MRTFA: variants seen among roughly 807,000 people sequenced by gnomAD.
MRTFA encodes myocardin related transcription factor A.
In MRTFA, 20 loss-of-function variants were observed where a neutral mutation model predicts 83.5. The observed-to-expected ratio is 0.24, with a 90% CI of 0.17 to 0.35. MRTFA has a LOEUF of 0.35. MRTFA is among the 10% of genes least tolerant of loss of function. The pLI is 1.00. For missense variants in MRTFA, 1,200 were observed against 1,224.7 expected, an observed-to-expected ratio of 0.98 and a Z score of 0.30; for synonymous variants, 659 against 541.2, an observed-to-expected ratio of 1.22 and a Z score of -3.02.
chr22:40,584,723 T>G lies in MRTFA; in HGVS notation c.-22+9951A>C, dbSNP rs1251566127. On this transcript the variant is annotated intron_variant, in intron 2 of 14. Coordinates refer to ENST00000355630, the MANE Select transcript of MRTFA (RefSeq NM_020831.6). The stretch of plus-strand genomic sequence containing the variant: ...CCAACCTGGGCAACAAGAGTGAGAC[T>G]CTGTCTCAAAAAAAAAAAAAAAAAA... Among the ~76,000 whole-genome samples, 4 of 131,518 alleles carry G rather than the reference T, an allele frequency of 3.0e-5. No individual in the cohort carries two copies. In the East Asian group the frequency reaches 9.1e-4, roughly 30 times the overall value. The allele number at this position is 131,518 out of a possible 152,430, so 86.3% of individuals were successfully genotyped here. A position where few individuals can be genotyped will look rare whatever the true frequency, so the allele number is the denominator to read the frequency against.
intron 3 of MRTFA, among the ~76,000 whole-genome samples, chr22:40,530,911 AG>A (rs1244676602): frequency 2.0e-5 from 3 of 152,264 alleles, no homozygotes; most frequent in East Asian, 1.9e-4. Context: ...TATACTTATC[AG>A]GGAAAGTATG....
intron 2 of MRTFA, among the ~76,000 whole-genome samples, chr22:40,571,870 G>C (rs1463844280): frequency 3.6e-5 from 5 of 138,006 alleles, no homozygotes; most frequent in African/African-American, 1.4e-4. Flanking sequence ...CTTGCAGTGA[G>C]CCGAGATCAC....
intron 2 of MRTFA, among the ~76,000 whole-genome samples, chr22:40,585,925 T>C (rs1183664918): frequency 6.6e-6 from 1 of 152,194 alleles, no homozygotes; most frequent in Non-Finnish European, 1.5e-5. Flanking sequence ...CATCAACATC[T>C]TGCAATTAAA....
intron 4 of MRTFA, among the ~76,000 whole-genome samples, chr22:40,443,892 G>A (rs1270276995): frequency 6.6e-6 from 1 of 152,156 alleles, no homozygotes; most frequent in Non-Finnish European, 1.5e-5. Context: ...TCAGAGGAGG[G>A]CTGGTGGAGA....
At chr22:40,573,159 G>C (rs144089827) in intron 2 of MRTFA, among the ~76,000 whole-genome samples, 1 of 152,158 alleles carries the variant, frequency 6.6e-6, no homozygotes, top group South Asian at 2.1e-4. Flanking sequence ...TTTCTTTTTG[G>C]GATGATGAAA....
At chr22:40,486,871 A>T (rs1490130021) in intron 3 of MRTFA, among the ~76,000 whole-genome samples, 3 of 152,110 alleles carry the variant, frequency 2.0e-5, no homozygotes, top group Non-Finnish European at 4.4e-5. Context: ...TACTTGGGGG[A>T]CTAAGGCGGG....
At chr22:40,427,177 T>C (rs1335091297) in intron 7 of MRTFA, among the ~76,000 whole-genome samples, 1 of 152,196 alleles carries the variant, frequency 6.6e-6, no homozygotes, top group Non-Finnish European at 1.5e-5. Context: ...CATCCAGAAC[T>C]GGCTTGGCCC....
intron 1 of MRTFA, among the ~76,000 whole-genome samples, chr22:40,611,902 A>C (rs1421369723): frequency 6.6e-6 from 1 of 152,188 alleles, no homozygotes; most frequent in Non-Finnish European, 1.5e-5. Flanking sequence ...AAGAAAAAAA[A>C]CAAAAACAAT....
Position 40,429,881 on chromosome 22 carries a change from G to A in MRTFA, c.440-114C>T, listed in dbSNP as rs546160066. The A allele has an allele frequency of 1.5e-4, 168 of 1,106,338 alleles. 1 individual carries two copies. The highest frequency in any genetic ancestry group is 8.3e-4 in the Admixed American group (34 of 40,920). The allele number at this position is 1,106,338 out of a possible 1,614,324, so 68.5% of individuals were successfully genotyped here. A position where few individuals can be genotyped will look rare whatever the true frequency, so the allele number is the denominator to read the frequency against. On this transcript the variant is annotated intron_variant, in intron 6 of 14. Transcript: ENST00000355630. ...GGGCAAGAGGAGTGACTGTCAGAAC[G>A]GTAAGCATATTCCAAGCAGAGAAGA... is the stretch of plus-strand genomic sequence containing the variant.
In MRTFA at chr22:40,418,537, G is replaced by A. The variant is rs747320600; in HGVS notation, c.2201C>T (p.Pro734Leu). The A allele has an allele frequency of 1.6e-5, 25 of 1,584,550 alleles. No individual in the cohort carries two copies. The highest frequency in any genetic ancestry group is 6.8e-5 in the African/African-American group (5 of 73,632). ...CAGAAGCAACTGGGGGGCGGGGACCGGCTCGGGCTCAGGCTGCAAGGCTTC... is the reference window on the plus strand; with the variant it reads ...CAGAAGCAACTGGGGGGCGGGGACCAGCTCGGGCTCAGGCTGCAAGGCTTC... Residue 734 changes from proline to leucine, a missense_variant, in exon 12 of 15, where the codon CCG becomes CTG. Coordinates refer to ENST00000355630, the MANE Select transcript of MRTFA (RefSeq NM_020831.6).
At chr22:40,523,459 C>T (rs1427966349) in intron 3 of MRTFA, 1 of 152,194 alleles carries the variant, frequency 6.6e-6, no homozygotes, top group Non-Finnish European at 1.5e-5. Flanking sequence ...CCCACTTCAG[C>T]CCCCTAAGTA....
intron 3 of MRTFA, among the ~76,000 whole-genome samples, chr22:40,500,796 T>C (rs1010882295): frequency 6.6e-6 from 1 of 151,428 alleles, no homozygotes; most frequent in South Asian, 2.1e-4. Context: ...TCTACTTCTT[T>C]CTACACAGAC....
intron 1 of MRTFA, among the ~76,000 whole-genome samples, chr22:40,628,251 A>G (rs1426101373): frequency 1.3e-5 from 2 of 152,210 alleles, no homozygotes; most frequent in African/African-American, 4.8e-5. Context: ...GAGTAAGCCT[A>G]CAGTCACATA....
Position 40,423,603 on chromosome 22 carries a change from A to C in MRTFA, c.860T>G (p.Leu287Arg), listed in dbSNP as rs1490066504. The change falls in exon 9 of 15, where the codon CTG (leucine) becomes CGG (arginine). Residue 287 changes from leucine (L) to arginine (R), a missense_variant. Physicochemically the swap from Leu to Arg is moderately radical, Grantham distance 102. Transcript: ENST00000355630. The stretch of plus-strand genomic sequence containing the variant: ...TCCATTGGTGAGGCTGGGAGGCAGC[A>C]GAGGTGGGGGAGGCAGAGGAGGCTG... 6.3e-7 allele frequency: 1 copy of C among 1,598,234 alleles called. No homozygotes were observed. Among genetic ancestry groups the C allele is most frequent in the Non-Finnish European group, 8.5e-7 (1 of 1,171,528 alleles).
intron 9 of MRTFA, among the ~76,000 whole-genome samples, chr22:40,421,441 C>G (rs2052837249): frequency 6.6e-6 from 1 of 152,170 alleles, no homozygotes; most frequent in African/African-American, 2.4e-5. Flanking sequence ...AGACCAGGCA[C>G]CTTCCAAAGA....
intron 4 of MRTFA, among the ~76,000 whole-genome samples, chr22:40,455,247 T>C (rs1298744976): frequency 6.6e-6 from 1 of 152,224 alleles, no homozygotes; most frequent in Non-Finnish European, 1.5e-5. Flanking sequence ...CAACAGCACA[T>C]GCGGCTAATG....
intron 1 of MRTFA, among the ~76,000 whole-genome samples, chr22:40,607,389 A>T (rs1214769516): frequency 6.6e-6 from 1 of 152,124 alleles, no homozygotes; most frequent in Non-Finnish European, 1.5e-5. Context: ...CTATAGTCCC[A>T]GCTACACGGG....
At chr22:40,486,663 C>G (rs75231868) in intron 3 of MRTFA, among the ~76,000 whole-genome samples, 2,807 of 152,276 alleles carry the variant, frequency 0.018, 89 homozygotes, top group African/African-American at 0.065. Context: ...CAACGGTTGG[C>G]TCATTACGAA....
At chr22:40,495,210 C>A (rs914802549) in intron 3 of MRTFA, among the ~76,000 whole-genome samples, 1 of 150,990 alleles carries the variant, frequency 6.6e-6, no homozygotes, top group Admixed American at 6.6e-5. Flanking sequence ...CCCGTCTCTA[C>A]TAAAAATAAA....
Sources: allele counts gnomAD v4.1 joint callset (sites outside exome capture counted in the v4.1 genomes callset), GRCh38; gene constraint gnomAD v4.1.1; transcripts MANE v1.5; gene names NCBI Gene and HGNC (gene_info 2026-07-23, HGNC 2026-07-21).